The following CNTN5 variants were observed in gnomAD, a reference collection of about 807,000 sequenced individuals.
CNTN5 encodes the protein contactin-5.
CNTN5 carries 77 observed loss-of-function variants against 129.1 expected under a neutral mutation model. The observed-to-expected ratio is 0.60, with a 90% CI of 0.50 to 0.72. CNTN5 has a LOEUF of 0.72. Ranked by LOEUF, CNTN5 falls within the 30% of genes least tolerant of loss-of-function variation. The probability of loss-of-function intolerance (pLI) is 0.00; values close to 1 mark genes in which losing one functional copy is unlikely to be tolerated. For missense variants in CNTN5, 1,478 were observed against 1,328.8 expected (o/e 1.11, Z -1.75); for synonymous variants, 509 against 465.6 (o/e 1.09, Z -1.20).
At chr11:99,707,617 A>C (rs1954811262) in intron 3 of CNTN5, among the ~76,000 whole-genome samples, 1 of 151,678 alleles carries the variant, frequency 6.6e-6, no homozygotes, top group African/African-American at 2.4e-5. Context: ...TTTTCACAGG[A>C]CTTGAGTCAA....
chr11:100,141,791 TATATATTA>T (rs1946704011), intron 13 of CNTN5, among the ~76,000 whole-genome samples: 2 of 152,134 alleles, frequency 1.3e-5, no homozygotes, highest in South Asian at 4.1e-4. Flanking sequence ...TGAAAATTCT[TATATATTA>T]TGATGGGTAA....
rs1468349400 is a variant in CNTN5 at position 99,525,152 on chromosome 11, T to C, written c.-70-30993T>C. Among the ~76,000 whole-genome samples, 6 of 152,202 alleles carry C rather than the reference T, an allele frequency of 3.9e-5. No homozygotes were observed. In the South Asian group the frequency reaches 1.0e-3, roughly 26 times the overall value. ...AAAAGCCAATTTAAAGGGAGGCTTT[T>C]TTTTTACATTAGGAAGACCTATCTT... On this transcript the variant is annotated intron_variant, in intron 2 of 24. Transcript: ENST00000524871.
At chr11:99,351,617 A>T (rs1938305068) in intron 2 of CNTN5, among the ~76,000 whole-genome samples, 1 of 152,240 alleles carries the variant, frequency 6.6e-6, no homozygotes, top group Admixed American at 6.5e-5. Flanking sequence ...CACAAACATA[A>T]GATTCCTAAT....
intron 1 of CNTN5, among the ~76,000 whole-genome samples, chr11:99,251,673 C>A (rs17659971): frequency 6.6e-6 from 1 of 151,714 alleles, no homozygotes; most frequent in African/African-American, 2.4e-5. Context: ...GAATCAATGC[C>A]TTCTTTATTT....
chr11:99,908,549 T>A (rs1949571775), intron 6 of CNTN5, among the ~76,000 whole-genome samples: 1 of 152,080 alleles, frequency 6.6e-6, no homozygotes, highest in Non-Finnish European at 1.5e-5. Context: ...CAAATTAGGA[T>A]TATTATATAA....
intron 3 of CNTN5, among the ~76,000 whole-genome samples, chr11:99,793,367 T>C (rs1018215502): frequency 2.0e-5 from 3 of 150,594 alleles, no homozygotes; most frequent in Non-Finnish European, 4.4e-5. Context: ...CTCTATCTTC[T>C]TAATTTTTTA....
At position 99,523,679 on chromosome 11, in the gene CNTN5, C is replaced by T. The variant is rs183771590; in HGVS notation, c.-70-32466C>T. On this transcript the variant is annotated intron_variant, in intron 2 of 24. Transcript: ENST00000524871. ...CAGAACAGATCAGAACAGAACAGAA[C>T]AGAACAGAACAGAACAGAATAGAAC... 9.7e-3 allele frequency among the ~76,000 whole-genome samples: 707 copies of T among 72,772 alleles called. 13 individuals are homozygous for T. The highest frequency in any genetic ancestry group is 0.044 in the African/African-American group (666 of 15,058). 47.7% of individuals were successfully genotyped at this position (72,772 alleles called of 152,430 possible).
chr11:99,941,997 A>G (rs901667450), intron 7 of CNTN5, among the ~76,000 whole-genome samples: 25 of 152,034 alleles, frequency 1.6e-4, no homozygotes, highest in African/African-American at 6.0e-4. Context: ...TCATCATCAG[A>G]AAGGGCTTCA....
At chr11:99,593,995 A>AT (rs1191716725) in intron 3 of CNTN5, among the ~76,000 whole-genome samples, 1 of 151,960 alleles carries the variant, frequency 6.6e-6, no homozygotes, top group Non-Finnish European at 1.5e-5. Flanking sequence ...GTTGTTAGGG[A>AT]TTTTTCCCTC....
chr11:100,189,827 G>T (rs1948419460), intron 13 of CNTN5, among the ~76,000 whole-genome samples: 3 of 152,050 alleles, frequency 2.0e-5, no homozygotes, highest in African/African-American at 7.2e-5. Flanking sequence ...ATGACAAAAT[G>T]AAGTTCACCA....
chr11:99,222,429 CT>C (rs1361461540), intron 1 of CNTN5, among the ~76,000 whole-genome samples: 1 of 151,864 alleles, frequency 6.6e-6, no homozygotes, highest in Non-Finnish European at 1.5e-5. Context: ...AAAAAACTCA[CT>C]AAACTTTCTT....
chr11:99,386,494 G>A (rs1330844120), intron 2 of CNTN5, among the ~76,000 whole-genome samples: 4 of 152,028 alleles, frequency 2.6e-5, no homozygotes, highest in East Asian at 1.9e-4. Context: ...TCGTGACACC[G>A]GTGGGAGTGT....
At chr11:99,130,436 C>T (rs750959219) in intron 1 of CNTN5, among the ~76,000 whole-genome samples, 1 of 152,038 alleles carries the variant, frequency 6.6e-6, no homozygotes, top group African/African-American at 2.4e-5. Context: ...ATATATGCAC[C>T]CAATACAGGA....
At chr11:99,598,252 A>G (rs1950184195) in intron 3 of CNTN5, among the ~76,000 whole-genome samples, 8 of 83,258 alleles carry the variant, frequency 9.6e-5, no homozygotes, top group Admixed American at 2.9e-4. Context: ...CCTTTTTCTT[A>G]GCTTTCCTTT....
chr11:99,410,356 C>T (rs969450243), intron 2 of CNTN5, among the ~76,000 whole-genome samples: 2 of 152,008 alleles, frequency 1.3e-5, no homozygotes, highest in Non-Finnish European at 2.9e-5. Flanking sequence ...AAAACAAGGA[C>T]AAGAATTAAC....
chr11:100,096,403 G>GATAT (rs989287498), intron 13 of CNTN5, among the ~76,000 whole-genome samples: 14 of 152,166 alleles, frequency 9.2e-5, no homozygotes, highest in African/African-American at 2.9e-4. Flanking sequence ...GAGATTCACT[G>GATAT]ATATATACCC....
intron 13 of CNTN5, among the ~76,000 whole-genome samples, chr11:100,174,851 T>G (rs1177667959): frequency 2.0e-5 from 3 of 152,090 alleles, no homozygotes; most frequent in African/African-American, 4.8e-5. Flanking sequence ...TTAAAGTAAA[T>G]TCTGCACTTA....
At chr11:99,695,752 A>C (rs2134825295) in intron 3 of CNTN5, among the ~76,000 whole-genome samples, 1 of 152,138 alleles carries the variant, frequency 6.6e-6, no homozygotes, top group Admixed American at 6.5e-5. Flanking sequence ...AAGAAAGCGA[A>C]AAAATAAAAC....
chr11:100,300,528 A>G (rs1040641030), intron 20 of CNTN5, among the ~76,000 whole-genome samples: 2 of 151,574 alleles, frequency 1.3e-5, no homozygotes, highest in African/African-American at 2.4e-5. Flanking sequence ...ACAGCTCAAG[A>G]GTATTATTCA....
Sources: gnomAD v4.1 joint callset for allele counts (sites outside exome capture counted in the v4.1 genomes callset) on GRCh38, gnomAD v4.1.1 for gene constraint, MANE v1.5 for transcripts, NCBI Gene and HGNC (gene_info 2026-07-23, HGNC 2026-07-21) for gene names.